The following ANKFN1 variants were observed in gnomAD, a reference collection of about 807,000 sequenced individuals.
ANKFN1 encodes the protein ankyrin repeat and fibronectin type-III domain-containing protein 1.
A neutral mutation model predicts 108.7 loss-of-function variants in ANKFN1; 74 were observed. The ratio of observed to expected loss-of-function variants is 0.68; its 90% CI spans 0.56 to 0.83. The LOEUF (loss-of-function observed/expected upper bound fraction) is 0.83, where lower values mean the gene tolerates loss of function less well. Ranked by LOEUF, ANKFN1 falls within the 40% of genes least tolerant of loss-of-function variation. The probability of loss-of-function intolerance (pLI) is 0.00; values close to 1 mark genes in which losing one functional copy is unlikely to be tolerated. For missense variants in ANKFN1, 1,505 were observed against 1,382.3 expected (o/e 1.09, Z -1.41); for synonymous variants, 547 against 516.2 (o/e 1.06, Z -0.81).
intron 1 of ANKFN1, chr17:56,156,449 G>A (rs945258265): frequency 6.6e-6 from 1 of 152,178 alleles, no homozygotes; most frequent in Non-Finnish European, 1.5e-5. Flanking sequence ...GAAGATGAAA[G>A]CAGAGAGATT....
intron 3 of ANKFN1, among the ~76,000 whole-genome samples, chr17:56,253,688 G>A (rs1447451992): frequency 4.6e-5 from 7 of 152,196 alleles, no homozygotes; most frequent in Admixed American, 1.3e-4. Context: ...GCAGTGAGCC[G>A]AGATCACCCC....
In ANKFN1 at chr17:56,514,182, T is replaced by A. The variant is rs188369795; in HGVS notation, c.*2913T>A. 3.3e-4 allele frequency among the ~76,000 whole-genome samples: 51 copies of A among 152,362 alleles called. 1 individual carries two copies. The highest frequency in any genetic ancestry group is 3.1e-3 in the Admixed American group (47 of 15,306). ...TCTTTTCCAGGGTTTTCTAACATGC[T>A]TGATCAGCTTTCATCATTTGTGAAA... On this transcript the variant is annotated 3_prime_UTR_variant, in exon 21 of 21. Coordinates refer to ENST00000682825, the MANE Select transcript of ANKFN1 (RefSeq NM_001370326.1).
At chr17:56,266,345 A>T (rs144428588) in intron 3 of ANKFN1, among the ~76,000 whole-genome samples, 6 of 152,240 alleles carry the variant, frequency 3.9e-5, no homozygotes, top group Non-Finnish European at 8.8e-5. Flanking sequence ...TGCTGCTTCA[A>T]CCTGAGCCCT....
chr17:56,313,338 G>T (rs1050803337), intron 3 of ANKFN1, among the ~76,000 whole-genome samples: 3 of 152,156 alleles, frequency 2.0e-5, no homozygotes, highest in South Asian at 2.1e-4. Context: ...TCTTAAACAG[G>T]ACCTCATATG....
rs1220022771 is a variant in ANKFN1, at chr17:56,514,244, T to C, written c.*2975T>C. Among the ~76,000 whole-genome samples the C allele has an allele frequency of 2.0e-5, 3 of 152,214 alleles. No homozygotes were observed. Among genetic ancestry groups the C allele is most frequent in the African/African-American group, 7.2e-5 (3 of 41,452 alleles). ...TCCTTGACTGAGGTTCTCCCATATG[T>C]CTATCTCAATTCTAAGTCCCATTGA... On this transcript the variant is annotated 3_prime_UTR_variant, in exon 21 of 21. Coordinates refer to ENST00000682825, the MANE Select transcript of ANKFN1 (RefSeq NM_001370326.1).
chr17:56,441,967 G>C (rs1207185511), intron 9 of ANKFN1, among the ~76,000 whole-genome samples: 1 of 151,662 alleles, frequency 6.6e-6, no homozygotes, highest in Non-Finnish European at 1.5e-5. Flanking sequence ...TCAAATGCTG[G>C]CTTCTCAAAT....
At chr17:56,481,388 A>AAAACTTTTTT (rs2050695804) in intron 17 of ANKFN1, among the ~76,000 whole-genome samples, 1 of 152,176 alleles carries the variant, frequency 6.6e-6, no homozygotes, top group Admixed American at 6.6e-5. Context: ...GGAGAATAGT[A>AAAACTTTTTT]AAACTTTTTT....
At chr17:56,323,244 AG>A (rs1158459383) in intron 3 of ANKFN1, 2 of 152,228 alleles carry the variant, frequency 1.3e-5, no homozygotes, top group African/African-American at 4.8e-5. Context: ...AAGGAAAGAA[AG>A]GGCAAAGCTG....
chr17:56,468,787 G>A (rs962617419), intron 15 of ANKFN1, among the ~76,000 whole-genome samples: 20 of 152,194 alleles, frequency 1.3e-4, no homozygotes, highest in African/African-American at 4.1e-4. Context: ...ATTTAATTTT[G>A]TGGAATTTGG....
At position 56,394,023 on chromosome 17, in the gene ANKFN1, T is replaced by C. The variant is rs538702601; in HGVS notation, c.910+19309T>C. On this transcript the variant is annotated intron_variant, in intron 8 of 20. Coordinates refer to ENST00000682825, the MANE Select transcript of ANKFN1 (RefSeq NM_001370326.1). ...GAACAGACTAAACACAGTCCCCTTG[T>C]TTATGGAGCTTGGATGTTAGTGGTG... Among the ~76,000 whole-genome samples, 5 of 152,360 alleles carry C rather than the reference T, an allele frequency of 3.3e-5. No homozygotes were observed. In the East Asian group the frequency reaches 9.6e-4, roughly 29 times the overall value.
intron 1 of ANKFN1, among the ~76,000 whole-genome samples, chr17:56,177,092 A>G (rs1311371353): frequency 6.6e-6 from 1 of 152,136 alleles, no homozygotes; most frequent in Non-Finnish European, 1.5e-5. Context: ...CCCAGGTGAA[A>G]GGCCCCCCTG....
chr17:56,205,056 G>A (rs1829277760), intron 1 of ANKFN1, among the ~76,000 whole-genome samples: 1 of 152,212 alleles, frequency 6.6e-6, no homozygotes, highest in African/African-American at 2.4e-5. Context: ...CAGCATGGGC[G>A]ACAGAGCGGG....
intron 4 of ANKFN1, among the ~76,000 whole-genome samples, chr17:56,070,650 G>C (rs923276986): frequency 3.3e-5 from 5 of 151,990 alleles, no homozygotes; most frequent in Non-Finnish European, 7.4e-5. Flanking sequence ...CCTCTCCAAA[G>C]CCAAACCTTC....
At chr17:56,179,084 G>T (rs1260898875) in intron 1 of ANKFN1, among the ~76,000 whole-genome samples, 1 of 151,964 alleles carries the variant, frequency 6.6e-6, no homozygotes, top group East Asian at 1.9e-4. Context: ...CCTTAAAATT[G>T]GTTATCAGTT....
At chr17:56,283,787 G>A (rs1474968994) in intron 3 of ANKFN1, among the ~76,000 whole-genome samples, 2 of 151,944 alleles carry the variant, frequency 1.3e-5, no homozygotes, top group African/African-American at 4.8e-5. Flanking sequence ...ATTGGGTTCC[G>A]TGTACACTGC....
chr17:56,062,229 C>T (rs1474524077), intron 4 of ANKFN1, among the ~76,000 whole-genome samples: 1 of 152,048 alleles, frequency 6.6e-6, no homozygotes, highest in Non-Finnish European at 1.5e-5. Context: ...TGGAGAGTTC[C>T]GTAGATGTCC....
intron 4 of ANKFN1, among the ~76,000 whole-genome samples, chr17:56,090,293 T>G (rs1905388673): frequency 6.6e-6 from 1 of 151,190 alleles, no homozygotes; most frequent in African/African-American, 2.4e-5. Flanking sequence ...GCTGAAAATT[T>G]TGGAGGAGAA....
intron 8 of ANKFN1, among the ~76,000 whole-genome samples, chr17:56,387,071 C>A (rs1051794923): frequency 4.0e-5 from 6 of 151,882 alleles, no homozygotes; most frequent in African/African-American, 1.5e-4. Context: ...AATTGTTGAA[C>A]ATTTGACTAT....
intron 4 of ANKFN1, among the ~76,000 whole-genome samples, chr17:56,054,583 TA>T (rs997060067): frequency 1.3e-5 from 2 of 152,066 alleles, no homozygotes; most frequent in African/African-American, 2.4e-5. Flanking sequence ...GCATTATGTC[TA>T]AAAAAAATCA....
Sources: allele counts gnomAD v4.1 joint callset (sites outside exome capture counted in the v4.1 genomes callset), GRCh38; gene constraint gnomAD v4.1.1; transcripts MANE v1.5; gene names NCBI Gene and HGNC (gene_info 2026-07-23, HGNC 2026-07-21).